APP: variants seen among roughly 807,000 people sequenced by gnomAD.
APP encodes the protein amyloid beta precursor protein.
Under a neutral mutation model 101.4 loss-of-function variants are expected in APP, and 31 were observed. The observed-to-expected ratio is 0.31, with a 90% CI of 0.23 to 0.41. APP has a LOEUF of 0.41. Among genes scored for constraint, APP ranks in the 10% least tolerant of loss-of-function variants. APP has a pLI of 1.00. For missense variants in APP, 839 were observed against 1,003.7 expected (o/e 0.84, Z 2.22); for synonymous variants, 366 against 364.4 (o/e 1.00, Z -0.05).
chr21:26,080,546 A>T (rs1192880482), intron 3 of APP, among the ~76,000 whole-genome samples: 1 of 151,902 alleles, frequency 6.6e-6, no homozygotes, highest in Non-Finnish European at 1.5e-5. Context: ...AGGCGGGTGG[A>T]TCACGAGGTC....
intron 16 of APP, among the ~76,000 whole-genome samples, chr21:25,893,668 GA>G (rs1219259514): frequency 1.3e-5 from 2 of 151,836 alleles, no homozygotes; most frequent in Admixed American, 6.6e-5. Context: ...AGCTGCAGAA[GA>G]AAAAAAAGTT....
At chr21:26,149,139 A>G (rs2063211891) in intron 1 of APP, among the ~76,000 whole-genome samples, 1 of 152,222 alleles carries the variant, frequency 6.6e-6, no homozygotes, top group Non-Finnish European at 1.5e-5. Flanking sequence ...TATCTTACCA[A>G]TCAATTGCAT....
intron 6 of APP, among the ~76,000 whole-genome samples, chr21:26,013,482 C>CTT (rs35031616): frequency 1.2e-3 from 173 of 147,750 alleles, no homozygotes; most frequent in Middle Eastern, 3.5e-3. Flanking sequence ...CATCTGCACA[C>CTT]TTTTTTTTTT....
rs2045651473 is a variant in APP, at chr21:26,047,323, C to A, written c.662+3677G>T. Among the ~76,000 whole-genome samples the A allele has an allele frequency of 2.0e-5, 3 of 152,174 alleles. No individual in the cohort carries two copies. In the South Asian group the frequency reaches 6.2e-4, roughly 32 times the overall value. On this transcript the variant is annotated intron_variant, in intron 5 of 17. Coordinates refer to ENST00000346798, the MANE Select transcript of APP (RefSeq NM_000484.4). ...CCAGGAAAATGGTAGCTCGTTTCTC[C>A]TTCTTCAAGAATTGTCACGTAGCAT...
At chr21:26,160,511 T>G (rs2063467741) in intron 1 of APP, among the ~76,000 whole-genome samples, 1 of 152,196 alleles carries the variant, frequency 6.6e-6, no homozygotes, top group South Asian at 2.1e-4. Context: ...TCCTGTCAAG[T>G]TAATGGTATA....
intron 5 of APP, among the ~76,000 whole-genome samples, chr21:26,028,506 T>G (rs2044681547): frequency 6.6e-6 from 1 of 152,076 alleles, no homozygotes; most frequent in South Asian, 2.1e-4. Context: ...TATAATGAAA[T>G]TTTACACAGG....
intron 1 of APP, among the ~76,000 whole-genome samples, chr21:26,167,949 GTGTCGGCTTC>G (rs2063653389): frequency 6.6e-6 from 1 of 152,142 alleles, no homozygotes; most frequent in East Asian, 1.9e-4. Context: ...ACTATTCTGT[GTGTCGGCTTC>G]TACCTTTAGC....
intron 15 of APP, among the ~76,000 whole-genome samples, chr21:25,903,405 A>T (rs1042372985): frequency 1.3e-5 from 2 of 151,798 alleles, no homozygotes; most frequent in Non-Finnish European, 2.9e-5. Context: ...CAATTTTTTT[A>T]AAAAAGAAAA....
intron 1 of APP, among the ~76,000 whole-genome samples, chr21:26,139,198 C>T (rs2062987973): frequency 6.6e-6 from 1 of 152,174 alleles, no homozygotes; most frequent in South Asian, 2.1e-4. Context: ...TGTTAATGCA[C>T]AAAACCAAGT....
At chr21:25,941,244 G>C (rs1430076319) in intron 13 of APP, 1 of 152,190 alleles carries the variant, frequency 6.6e-6, no homozygotes, top group Non-Finnish European at 1.5e-5. Flanking sequence ...AGATCAGCCT[G>C]GCTGGCAAAG....
At chr21:25,934,117 T>G (rs2040262011) in intron 13 of APP, 1 of 150,560 alleles carries the variant, frequency 6.6e-6, no homozygotes, top group African/African-American at 2.4e-5. Flanking sequence ...AAGACAGAGG[T>G]GGAGATTGGA....
chr21:26,037,032 T>C (rs191457822), intron 5 of APP, among the ~76,000 whole-genome samples: 11 of 152,270 alleles, frequency 7.2e-5, no homozygotes, highest in Admixed American at 5.2e-4. Context: ...TGAAATACTA[T>C]TAAGCCATAC....
At chr21:25,882,423 A>G (rs1300610726) in intron 17 of APP, among the ~76,000 whole-genome samples, 1 of 149,638 alleles carries the variant, frequency 6.7e-6, no homozygotes, top group Admixed American at 6.7e-5. Flanking sequence ...TAATTTTTTA[A>G]AAACTGAGAA....
chr21:26,104,714 T>C (rs761495160), intron 2 of APP, among the ~76,000 whole-genome samples: 1 of 151,730 alleles, frequency 6.6e-6, no homozygotes. Context: ...AGGAGCAGAG[T>C]AGATAATTCA....
intron 3 of APP, among the ~76,000 whole-genome samples, chr21:26,055,909 A>C (rs2046023443): frequency 6.6e-6 from 1 of 152,192 alleles, no homozygotes; most frequent in South Asian, 2.1e-4. Context: ...TAAGTGCCAA[A>C]CCACAAAACC....
intron 15 of APP, among the ~76,000 whole-genome samples, chr21:25,899,385 G>GTAGTGACTTGCTC (rs1470985983): frequency 6.6e-6 from 1 of 152,224 alleles, no homozygotes; most frequent in African/African-American, 2.4e-5. Flanking sequence ...TGGTCGGGAT[G>GTAGTGACTTGCTC]TAGTGACTTG....
chr21:26,049,980 A>G (rs2045770200), intron 5 of APP, among the ~76,000 whole-genome samples: 1 of 152,200 alleles, frequency 6.6e-6, no homozygotes, highest in African/African-American at 2.4e-5. Flanking sequence ...TCAACTGAAT[A>G]TCAACCTGGA....
At chr21:26,029,531 C>T (rs374667103) in intron 5 of APP, among the ~76,000 whole-genome samples, 5 of 151,974 alleles carry the variant, frequency 3.3e-5, no homozygotes, top group East Asian at 1.9e-4. Flanking sequence ...AAAGAAGGTC[C>T]GAAGTGAATG....
intron 3 of APP, among the ~76,000 whole-genome samples, chr21:26,086,619 A>T (rs2061710967): frequency 6.6e-6 from 1 of 152,218 alleles, no homozygotes; most frequent in African/African-American, 2.4e-5. Context: ...GAGATTTTAG[A>T]GCATACTTAT....
Sources: gnomAD v4.1 joint callset for allele counts (sites outside exome capture counted in the v4.1 genomes callset) on GRCh38, gnomAD v4.1.1 for gene constraint, MANE v1.5 for transcripts, NCBI Gene and HGNC (gene_info 2026-07-23, HGNC 2026-07-21) for gene names.